Variants in ECPAS observed in about 807,000 individuals in gnomAD.
ECPAS encodes Ecm29 proteasome adaptor and scaffold.
Under a neutral mutation model 255.1 loss-of-function variants are expected in ECPAS, and 70 were observed. The observed-to-expected ratio is 0.27, with a 90% CI of 0.23 to 0.33. ECPAS has a LOEUF of 0.33. Among genes scored for constraint, ECPAS ranks in the 10% least tolerant of loss-of-function variants. The pLI is 1.00. For missense variants in ECPAS, 1,817 were observed against 2,206.4 expected, an observed-to-expected ratio of 0.82 and a Z score of 3.54; for synonymous variants, 784 against 775.0, an observed-to-expected ratio of 1.01 and a Z score of -0.19.
At position 111,392,800 on chromosome 9, in the gene ECPAS, A is replaced by C; in HGVS notation, c.3060T>G (p.Ser1020=). 6.2e-7 allele frequency: 1 copy of C among 1,613,214 alleles called. No individual in the cohort carries two copies. Among genetic ancestry groups the C allele is most frequent in the Non-Finnish European group, 8.5e-7 (1 of 1,179,402 alleles). ...GNEQDQQELV[S]TLVETLMTGK... is the part of the protein sequence containing the mutation. ...CAGTCATAAGTGTTTCCACAAGTGT[A>C]GAAACCAATTCCTGTTGATCTTGTT... The change falls in exon 28 of 50, where the codon TCT becomes TCG. Residue 1020 remains serine, a synonymous_variant. Transcript: ENST00000684092.
rs1433565024 is a variant in ECPAS at position 111,470,689 on chromosome 9, T to C, written c.22+2208A>G. ...AAACAAGGCTACCCCTCCCTGATCATATTGCTTACCACCCCGCACCCACTT... is the reference window on the plus strand; with the variant it reads ...AAACAAGGCTACCCCTCCCTGATCACATTGCTTACCACCCCGCACCCACTT... On this transcript the variant is annotated intron_variant, in intron 2 of 49. Coordinates refer to ENST00000684092, the MANE Select transcript of ECPAS (RefSeq NM_001364929.1). 9.4e-5 allele frequency among the ~76,000 whole-genome samples: 14 copies of C among 148,334 alleles called. No homozygotes were observed. In the Admixed American group the frequency reaches 9.5e-4, roughly 10 times the overall value.
intron 34 of ECPAS, among the ~76,000 whole-genome samples, chr9:111,383,724 C>T (rs565441526): frequency 3.7e-4 from 57 of 152,116 alleles, no homozygotes; most frequent in Admixed American, 3.2e-3. Context: ...AGTTTGAGAC[C>T]AGCCTGGGCA....
At chr9:111,440,168 A>G (rs1189099869) in intron 6 of ECPAS, among the ~76,000 whole-genome samples, 1 of 152,188 alleles carries the variant, frequency 6.6e-6, no homozygotes, top group East Asian at 1.9e-4. Context: ...TTAGGCAGGT[A>G]GAGTCTAAAA....
chr9:111,455,340 C>T (rs1227821753), intron 2 of ECPAS, among the ~76,000 whole-genome samples: 2 of 152,070 alleles, frequency 1.3e-5, no homozygotes, highest in Admixed American at 6.6e-5. Flanking sequence ...AAAAATTAGC[C>T]GGGCGTGGTG....
Position 111,437,120 on chromosome 9 carries a change from A to G in ECPAS, c.540-12T>C, listed in dbSNP as rs2098239352. The G allele has an allele frequency of 1.9e-6, 3 of 1,589,022 alleles. No individual in the cohort carries two copies. The highest frequency in any genetic ancestry group is 1.7e-6 in the Non-Finnish European group (2 of 1,170,280). ...CATTTAACACGTAACTGGAAAGGAA[A>G]TAACACTTTAACCCTCTATAAATAC... On this transcript the variant is annotated splice_polypyrimidine_tract_variant and intron_variant, in intron 6 of 49. Coordinates refer to ENST00000684092, the MANE Select transcript of ECPAS (RefSeq NM_001364929.1).
At chr9:111,410,927 T>C (rs1337957154) in intron 22 of ECPAS, 53 bp downstream of exon 22, 1 of 1,526,408 alleles carries the variant, frequency 6.6e-7, no homozygotes, top group African/African-American at 1.4e-5. Context: ...ATATTAAAAT[T>C]TAACATAATT....
chr9:111,368,907 A>C, intron 46 of ECPAS, 128 bp downstream of exon 46: 1 of 920,374 alleles, frequency 1.1e-6, no homozygotes. Context: ...CTTTCACTGG[A>C]TAATTCTCAT....
chr9:111,426,042 A>C (rs1245050915), intron 10 of ECPAS, among the ~76,000 whole-genome samples: 1 of 152,222 alleles, frequency 6.6e-6, no homozygotes, highest in Non-Finnish European at 1.5e-5. Flanking sequence ...TGATCGCACA[A>C]GTCTGCAAAG....
chr9:111,414,039 A>G (rs1452757310), intron 19 of ECPAS, 53 bp from the exon 20 acceptor site: 23 of 1,204,450 alleles, frequency 1.9e-5, no homozygotes, highest in Non-Finnish European at 2.6e-5. Flanking sequence ...ATGAACATAC[A>G]GGGATCACTA....
intron 24 of ECPAS, among the ~76,000 whole-genome samples, chr9:111,407,403 GAAAAAAAAAAA>G (rs1161790026): frequency 8.3e-3 from 100 of 12,066 alleles, no homozygotes; most frequent in African/African-American, 0.019. Flanking sequence ...CTCCATCTCA[GAAAAAAAAAAA>G]AAAAAAAAAA....
intron 25 of ECPAS, among the ~76,000 whole-genome samples, chr9:111,395,271 G>C (rs2098165938): frequency 6.6e-6 from 1 of 152,100 alleles, no homozygotes; most frequent in Non-Finnish European, 1.5e-5. Context: ...AACATGCCCA[G>C]GATATTATGT....
Position 111,369,094 on chromosome 9 carries a change from T to C in ECPAS, c.5054A>G (p.Tyr1685Cys), listed in dbSNP as rs775271125. The change falls in exon 46 of 50, where the codon TAT becomes TGT. Residue 1685 changes from tyrosine to cysteine, a missense_variant. Tyr to Cys is a radical substitution (Grantham distance 194). This residue lies in a region of ECPAS where 960 missense variants were observed against 1,179.0 expected (regional missense o/e 0.81). Coordinates refer to ENST00000684092, the MANE Select transcript of ECPAS (RefSeq NM_001364929.1). ...NEKEKELQLEYLLGAFESLGK... is the reference protein window; with the variant it reads ...NEKEKELQLECLLGAFESLGK... ...CAGGCTTTCAAAGGCACCCAGCAGA[T>C]ATTCCAGCTGGAGCTCCTTTTCCTT... 31 of 1,606,932 alleles carry C rather than the reference T, an allele frequency of 1.9e-5. No homozygotes were observed. Among genetic ancestry groups the C allele is most frequent in the Non-Finnish European group, 2.5e-5 (29 of 1,177,386 alleles).
At chr9:111,457,445 G>A (rs1317251537) in intron 2 of ECPAS, among the ~76,000 whole-genome samples, 1 of 152,172 alleles carries the variant, frequency 6.6e-6, no homozygotes, top group Non-Finnish European at 1.5e-5. Context: ...TCAGCACAAG[G>A]TCTGAGGAAT....
intron 2 of ECPAS, among the ~76,000 whole-genome samples, chr9:111,455,753 G>A (rs1006785704): frequency 1.3e-5 from 2 of 152,166 alleles, no homozygotes; most frequent in African/African-American, 2.4e-5. Context: ...CATCTCTGGT[G>A]GATACCATTT....
chr9:111,384,605 G>C lies in ECPAS; in HGVS notation c.3634-36C>G, dbSNP rs773444991. ...CAAAAGTGTGACATCATACAAGTTA[G>C]AGAGTTTCACTATCATCTACTCTAC... On this transcript the variant is annotated intron_variant, in intron 33 of 49. Coordinates refer to ENST00000684092, the MANE Select transcript of ECPAS (RefSeq NM_001364929.1). 5.0e-6 allele frequency: 8 copies of C among 1,598,406 alleles called. No homozygotes were observed. The South Asian group carries it at 8.8e-5, about 18-fold the overall frequency.
intron 31 of ECPAS, among the ~76,000 whole-genome samples, chr9:111,386,811 A>G (rs933424017): frequency 6.6e-6 from 1 of 152,142 alleles, no homozygotes; most frequent in African/African-American, 2.4e-5. Context: ...CTCTCCCTAC[A>G]ATCCCCTTCC....
At chr9:111,365,181 G>A (rs1043133423) in intron 48 of ECPAS, among the ~76,000 whole-genome samples, 1 of 152,136 alleles carries the variant, frequency 6.6e-6, no homozygotes, top group Non-Finnish European at 1.5e-5. Flanking sequence ...TGAGGCAGGA[G>A]AATCACTTAA....
intron 29 of ECPAS, 123 bp from the exon 30 acceptor site, chr9:111,390,224 G>A (rs931477651): frequency 1.2e-5 from 7 of 560,742 alleles, no homozygotes; most frequent in Admixed American, 2.8e-5. Context: ...CTAATACTGA[G>A]TTATCACCAT....
chr9:111,474,984 T>C (rs531567934), intron 1 of ECPAS, among the ~76,000 whole-genome samples: 2 of 152,350 alleles, frequency 1.3e-5, no homozygotes, highest in African/African-American at 4.8e-5. Flanking sequence ...CAGCTTTTTT[T>C]GTTTTGCATA....
Sources: allele counts gnomAD v4.1 joint callset (sites outside exome capture counted in the v4.1 genomes callset), GRCh38; gene constraint gnomAD v4.1.1; regional missense constraint gnomAD v4.1.1; transcripts MANE v1.5; gene names NCBI Gene and HGNC (gene_info 2026-07-23, HGNC 2026-07-21).